HS1BP3: variants seen among roughly 807,000 people sequenced by gnomAD.
The protein encoded by HS1BP3 is HCLS1 binding protein 3, also known as HCLS1-binding protein 3.
HS1BP3 carries 32 observed loss-of-function variants against 33.5 expected under a neutral mutation model. The observed-to-expected ratio is 0.95, with a 90% confidence interval of 0.72 to 1.28. The LOEUF is 1.28. HS1BP3 is among the 50% of genes most tolerant of loss of function. The pLI is 0.00. For synonymous variants in HS1BP3, 187 were observed against 209.2 expected (o/e 0.89, Z 0.92); for missense variants, 486 against 502.3 (o/e 0.97, Z 0.31).
rs528021509 is a variant in HS1BP3 at position 20,628,143 on chromosome 2, G to A, written c.624-3251C>T. ...CACCAGGCCCTCAGCCACTCTATGA[G>A]CAACTCATTCCTTCCCTCGTGGGCA... On this transcript the variant is annotated intron_variant, in intron 4 of 6. Transcript: ENST00000304031. Among the ~76,000 whole-genome samples the A allele has an allele frequency of 2.2e-4, 33 of 152,310 alleles. 1 individual carries two copies. The Middle Eastern group carries it at 0.027, about 126-fold the overall frequency.
rs1264042377 is a variant in HS1BP3 at position 20,611,783 on chromosome 2, C to T, written c.178+12113G>A. ...GCCCATTCCCATGCCCCCCACCCCA[C>T]GGTGAGGCAGCAGAAGCAGGCCATC... On this transcript the variant is annotated intron_variant, in intron 2 of 3. Coordinates refer to the HS1BP3 transcript ENST00000415264. This position sits in a 1 kb window ranked among gnomAD's most constrained non-coding sequence, Gnocchi z 4.9. Among the ~76,000 whole-genome samples, 1 of 152,184 alleles carries T rather than the reference C, an allele frequency of 6.6e-6. No individual in the cohort carries two copies. Among genetic ancestry groups the T allele is most frequent in the African/African-American group, 2.4e-5 (1 of 41,448 alleles).
intron 2 of HS1BP3, among the ~76,000 whole-genome samples, chr2:20,601,321 G>A (rs142713913): frequency 5.3e-5 from 8 of 152,252 alleles, no homozygotes; most frequent in Non-Finnish European, 7.3e-5. Flanking sequence ...TCAGTATTCT[G>A]TAGAAACTCT....
chr2:20,573,861 C>T (rs1476747623), intron 5 of HS1BP3, among the ~76,000 whole-genome samples: 3 of 152,210 alleles, frequency 2.0e-5, no homozygotes, highest in Non-Finnish European at 2.9e-5. Context: ...CACCGCCATC[C>T]CCACCAGGAC....
At chr2:20,621,237 AC>A (rs1363489799) in intron 6 of HS1BP3, among the ~76,000 whole-genome samples, 1 of 152,154 alleles carries the variant, frequency 6.6e-6, no homozygotes, top group Non-Finnish European at 1.5e-5. Flanking sequence ...CCAGCACAGC[AC>A]CCCCAGGGGT....
chr2:20,565,628 G>C (rs915197261), intron 5 of HS1BP3, among the ~76,000 whole-genome samples: 15 of 152,366 alleles, frequency 9.8e-5, no homozygotes, highest in African/African-American at 3.1e-4. Context: ...CCGTGGGACA[G>C]TCAGCACACC....
intron 5 of HS1BP3, among the ~76,000 whole-genome samples, chr2:20,580,579 T>C (rs1356254460): frequency 2.0e-5 from 3 of 151,734 alleles, no homozygotes; most frequent in South Asian, 2.1e-4. Flanking sequence ...AATTAATTTG[T>C]TAAAAGGAAT....
intron 5 of HS1BP3, among the ~76,000 whole-genome samples, chr2:20,574,710 G>A (rs900670854): frequency 1.3e-5 from 2 of 152,176 alleles, no homozygotes; most frequent in African/African-American, 2.4e-5. Context: ...AGCAGCACCC[G>A]GGCAGGCAGT....
At chr2:20,593,341 C>T (rs542033232) in intron 3 of HS1BP3, among the ~76,000 whole-genome samples, 9 of 152,208 alleles carry the variant, frequency 5.9e-5, no homozygotes, top group Non-Finnish European at 1.3e-4. Context: ...TTATGTTGTT[C>T]ATTGTCTCCC....
intron 4 of HS1BP3, among the ~76,000 whole-genome samples, chr2:20,630,171 C>T (rs1694926895): frequency 6.6e-6 from 1 of 152,254 alleles, no homozygotes; most frequent in African/African-American, 2.4e-5. Context: ...ATACGGAAAT[C>T]CACCTCCTTG....
chr2:20,627,931 G>A (rs1161136751), intron 4 of HS1BP3, among the ~76,000 whole-genome samples: 1 of 152,298 alleles, frequency 6.6e-6, no homozygotes, highest in South Asian at 2.1e-4. Flanking sequence ...AGGAGGGATG[G>A]ACAGGTGGAG....
intron 5 of HS1BP3, among the ~76,000 whole-genome samples, chr2:20,581,255 ACTGT>A (rs755578528): frequency 8.5e-5 from 13 of 152,060 alleles, no homozygotes; most frequent in Non-Finnish European, 1.6e-4. Flanking sequence ...CATTTATCTC[ACTGT>A]CTGTATTAGT....
downstream of HS1BP3, among the ~76,000 whole-genome samples, chr2:20,559,708 G>A (rs868197526): frequency 2.3e-3 from 325 of 143,500 alleles, no homozygotes; most frequent in African/African-American, 8.0e-3. Context: ...GGGTGGGTGG[G>A]TGGATGGATG....
chr2:20,578,628 G>A (rs917413847), intron 5 of HS1BP3, among the ~76,000 whole-genome samples: 1 of 152,212 alleles, frequency 6.6e-6, no homozygotes, highest in Non-Finnish European at 1.5e-5. Flanking sequence ...CCTCTTCAAA[G>A]CTCAAGAGGA....
Position 20,618,439 on chromosome 2 carries a change from G to A in HS1BP3, c.*548C>T, listed in dbSNP as rs3732153. The A allele has an allele frequency of 0.067, 10,330 of 153,700 alleles. 441 individuals carry two copies. The highest frequency in any genetic ancestry group is 0.13 in the South Asian group (635 of 4,836). The allele number at this position is 153,700 out of a possible 1,614,324, so 9.5% of individuals were successfully genotyped here. Reference sequence around the variant, plus strand: ...GCAGCCACGAGGAGCAGAGGCCCTGGAGTAATTTGGCTTGGGGACGTCCCC... The same window carrying A: ...GCAGCCACGAGGAGCAGAGGCCCTGAAGTAATTTGGCTTGGGGACGTCCCC... On this transcript the variant is annotated 3_prime_UTR_variant, in exon 7 of 7. Coordinates refer to ENST00000304031, the MANE Select transcript of HS1BP3 (RefSeq NM_022460.4).
chr2:20,572,626 G>T (rs941735632), intron 5 of HS1BP3, among the ~76,000 whole-genome samples: 4 of 152,058 alleles, frequency 2.6e-5, no homozygotes, highest in Non-Finnish European at 5.9e-5. Flanking sequence ...TTATTATAAG[G>T]ATTAAGTTAC....
At chr2:20,589,846 G>C (rs527331104), downstream of HS1BP3, among the ~76,000 whole-genome samples, 149 of 152,108 alleles carry the variant, frequency 9.8e-4, 1 homozygote, top group Admixed American at 1.5e-3. Context: ...CGGGATTGTG[G>C]GGGAATTGGG....
At chr2:20,642,233 C>T (rs11690722) in intron 2 of HS1BP3, among the ~76,000 whole-genome samples, 110,999 of 152,206 alleles carry the variant, frequency 0.73, 40,830 homozygotes, top group East Asian at 0.83. Flanking sequence ...GCAGGGGCTG[C>T]GGGCATCTGA....
At chr2:20,593,153 A>G (rs557474513) in intron 3 of HS1BP3, among the ~76,000 whole-genome samples, 11 of 133,274 alleles carry the variant, frequency 8.3e-5, no homozygotes, top group Non-Finnish European at 1.7e-4. Flanking sequence ...CCTTTCCCCC[A>G]GGGTCCACAC....
rs543260549 is a variant in HS1BP3, at chr2:20,647,492, C to T, written c.33-1987G>A. Among the ~76,000 whole-genome samples the T allele has an allele frequency of 1.1e-4, 17 of 152,310 alleles. No homozygotes were observed. The East Asian group carries it at 3.1e-3, about 28-fold the overall frequency. The stretch of plus-strand genomic sequence containing the variant: ...CCAGGCTTGGCAACCCTACCTTGCC[C>T]TAGATGTGGGGTTCTCAAAGTGTGG... On this transcript the variant is annotated intron_variant, in intron 1 of 6. Transcript: ENST00000304031.
Sources: allele counts gnomAD v4.1 joint callset (sites outside exome capture counted in the v4.1 genomes callset), GRCh38; gene constraint gnomAD v4.1.1; non-coding constraint Gnocchi (gnomAD v3.1); transcripts MANE v1.5; gene names NCBI Gene and HGNC (gene_info 2026-07-23, HGNC 2026-07-21).